PPP1R9A: variants seen among roughly 807,000 people sequenced by gnomAD.
The protein encoded by PPP1R9A is neurabin-1.
PPP1R9A carries 59 observed loss-of-function variants against 141.9 expected under a neutral mutation model. The observed-to-expected ratio is 0.42, with a 90% CI of 0.34 to 0.52. The LOEUF (loss-of-function observed/expected upper bound fraction) is 0.52. Among genes scored for constraint, PPP1R9A ranks in the 20% least tolerant of loss-of-function variants. The pLI, the probability that PPP1R9A is intolerant of heterozygous loss-of-function variation, is 0.10. For missense variants in PPP1R9A, 1,444 were observed against 1,611.9 expected, an observed-to-expected ratio of 0.90 and a Z score of 1.78; for synonymous variants, 500 against 569.7, an observed-to-expected ratio of 0.88 and a Z score of 1.74.
intron 2 of PPP1R9A, among the ~76,000 whole-genome samples, chr7:94,933,064 A>C (rs532351200): frequency 6.6e-6 from 1 of 152,176 alleles, no homozygotes; most frequent in Admixed American, 6.5e-5. Flanking sequence ...TTAGTGTCAT[A>C]TATATGTATA....
chr7:95,263,598 ATTT>A (rs1487608388), intron 12 of PPP1R9A, among the ~76,000 whole-genome samples: 1 of 151,942 alleles, frequency 6.6e-6, no homozygotes, highest in African/African-American at 2.4e-5. Context: ...TAATTTTTGT[ATTT>A]TTAGTAGAGA....
At chr7:95,149,920 A>C (rs1828344562) in intron 4 of PPP1R9A, among the ~76,000 whole-genome samples, 1 of 151,988 alleles carries the variant, frequency 6.6e-6, no homozygotes, top group Admixed American at 6.6e-5. Flanking sequence ...GGAAATAACA[A>C]AGTTGGAGGA....
At chr7:95,009,328 C>G (rs1804084077) in intron 2 of PPP1R9A, among the ~76,000 whole-genome samples, 2 of 152,142 alleles carry the variant, frequency 1.3e-5, no homozygotes, top group Admixed American at 6.6e-5. Flanking sequence ...AAAAAAGACT[C>G]TTGCTTTAAA....
intron 4 of PPP1R9A, among the ~76,000 whole-genome samples, chr7:95,121,491 A>G (rs1462948172): frequency 1.3e-5 from 2 of 150,994 alleles, no homozygotes; most frequent in Admixed American, 1.3e-4. Context: ...CTATCTATCT[A>G]TCTATCTATC....
chr7:95,285,389 C>T lies in PPP1R9A; in HGVS notation c.3610-817C>T, dbSNP rs190063892. 7.2e-4 allele frequency among the ~76,000 whole-genome samples: 109 copies of T among 152,328 alleles called. 3 individuals are homozygous for T. The highest frequency in any genetic ancestry group is 6.6e-3 in the Admixed American group (101 of 15,292). ...ATTTTCAGTATTGGATCTGAGGCAT[C>T]TAAATGCAATTCGAAGAATTCTGCC... On this transcript the variant is annotated intron_variant, in intron 17 of 19. Coordinates refer to ENST00000433360, the MANE Select transcript of PPP1R9A (RefSeq NM_001166160.2).
At chr7:95,204,610 C>T (rs1790299430) in intron 7 of PPP1R9A, among the ~76,000 whole-genome samples, 1 of 151,050 alleles carries the variant, frequency 6.6e-6, no homozygotes, top group African/African-American at 2.4e-5. Context: ...ACACACACCA[C>T]ACACACACCA....
At chr7:95,290,068 T>TTG (rs752025165) in intron 19 of PPP1R9A, 23 bp from the exon 20 acceptor site, 6 of 1,608,710 alleles carry the variant, frequency 3.7e-6, no homozygotes, top group Non-Finnish European at 5.1e-6. Context: ...CAAATTCAGT[T>TTG]TGTGTGTGTG....
intron 2 of PPP1R9A, among the ~76,000 whole-genome samples, chr7:95,042,808 A>G (rs149789376): frequency 3.1e-4 from 47 of 152,286 alleles, no homozygotes; most frequent in African/African-American, 1.1e-3. Context: ...TACATGTTAA[A>G]ATAAATTTCA....
intron 7 of PPP1R9A, among the ~76,000 whole-genome samples, chr7:95,219,177 C>G (rs1167090621): frequency 6.6e-6 from 1 of 152,064 alleles, no homozygotes; most frequent in Non-Finnish European, 1.5e-5. Flanking sequence ...GTGACAGAAT[C>G]TCTCAGCATT....
intron 2 of PPP1R9A, among the ~76,000 whole-genome samples, chr7:94,958,186 G>A (rs992909244): frequency 5.3e-5 from 8 of 151,976 alleles, no homozygotes; most frequent in Admixed American, 1.3e-4. Flanking sequence ...ATGATTTGCC[G>A]GAAGGAGTTT....
chr7:95,218,739 T>C (rs901898072), intron 7 of PPP1R9A, among the ~76,000 whole-genome samples: 13 of 152,350 alleles, frequency 8.5e-5, no homozygotes, highest in Non-Finnish European at 1.6e-4. Context: ...TCTTTGTCTC[T>C]TTTGATCTTT....
chr7:95,161,639 A>C (rs1830476516), intron 4 of PPP1R9A, among the ~76,000 whole-genome samples: 1 of 152,134 alleles, frequency 6.6e-6, no homozygotes, highest in African/African-American at 2.4e-5. Context: ...TTATTGTATT[A>C]CTTTTTTTAT....
At chr7:94,945,823 A>G (rs947730218) in intron 2 of PPP1R9A, among the ~76,000 whole-genome samples, 1 of 152,082 alleles carries the variant, frequency 6.6e-6, no homozygotes, top group African/African-American at 2.4e-5. Context: ...ATACTTATGT[A>G]TAGAGTTTAA....
At chr7:95,278,713 A>G (rs1803635729) in intron 16 of PPP1R9A, among the ~76,000 whole-genome samples, 1 of 152,244 alleles carries the variant, frequency 6.6e-6, no homozygotes, top group African/African-American at 2.4e-5. Flanking sequence ...TAGATTAAAA[A>G]GTAAGTAAAA....
chr7:95,166,532 A>C (rs543109784), intron 5 of PPP1R9A, among the ~76,000 whole-genome samples: 1 of 152,328 alleles, frequency 6.6e-6, no homozygotes, highest in Admixed American at 6.5e-5. Context: ...AATTCTCCCA[A>C]CAAAGAAAAG....
At chr7:95,026,521 C>T (rs1806866263) in intron 2 of PPP1R9A, among the ~76,000 whole-genome samples, 1 of 152,186 alleles carries the variant, frequency 6.6e-6, no homozygotes, top group Non-Finnish European at 1.5e-5. Context: ...TTGGTCCCTG[C>T]TGTGAGGTGT....
At chr7:95,179,778 C>CAA (rs61054939) in intron 5 of PPP1R9A, among the ~76,000 whole-genome samples, 2,043 of 96,952 alleles carry the variant, frequency 0.021, 87 homozygotes, top group East Asian at 0.063. Flanking sequence ...ACAATAGCTG[C>CAA]AAAAAAAAAA....
chr7:95,242,861 A>T (rs1234251363), intron 8 of PPP1R9A, among the ~76,000 whole-genome samples: 2 of 152,050 alleles, frequency 1.3e-5, no homozygotes, highest in African/African-American at 4.8e-5. Context: ...AAAAACTCCA[A>T]CAGGCATCTC....
Position 95,093,861 on chromosome 7 carries a change from A to G in PPP1R9A, c.1396-17398A>G, listed in dbSNP as rs144879324. 5.7e-3 allele frequency among the ~76,000 whole-genome samples: 869 copies of G among 152,252 alleles called. 9 individuals carry two copies. Among genetic ancestry groups the G allele is most frequent in the African/African-American group, 0.02 (827 of 41,538 alleles). ...ATCCTTTTGTGAGTTTTTGCCTCTC[A>G]CAGGTCACTTTTCTTTTGTTCAGAA... On this transcript the variant is annotated intron_variant, in intron 2 of 19. Transcript: ENST00000433360.
Sources: allele counts gnomAD v4.1 joint callset (sites outside exome capture counted in the v4.1 genomes callset), GRCh38; gene constraint gnomAD v4.1.1; transcripts MANE v1.5; gene names NCBI Gene and HGNC (gene_info 2026-07-23, HGNC 2026-07-21).